Variants in RASSF3 observed in about 807,000 individuals in gnomAD.
The protein encoded by RASSF3 is ras association domain-containing protein 3.
Under a neutral mutation model 19.9 loss-of-function variants are expected in RASSF3, and 19 were observed. That is an observed-to-expected ratio of 0.96 (90% CI 0.67 to 1.40). RASSF3 has a LOEUF of 1.40. Ranked by LOEUF, RASSF3 falls within the 40% of genes most tolerant of loss-of-function variation. RASSF3 has a pLI of 0.00. For synonymous variants in RASSF3, 110 were observed against 104.2 expected, an observed-to-expected ratio of 1.06 and a Z score of -0.34; for missense variants, 306 against 289.8, an observed-to-expected ratio of 1.06 and a Z score of -0.41.
chr12:64,660,593 C>CT, intron 1 of RASSF3, among the ~76,000 whole-genome samples: 1 of 152,142 alleles, frequency 6.6e-6, no homozygotes, highest in Non-Finnish European at 1.5e-5. Flanking sequence ...CAAAATCTTT[C>CT]TTTAAAAAAA....
intron 1 of RASSF3, among the ~76,000 whole-genome samples, chr12:64,611,068 C>G (rs1180821972): frequency 2.0e-5 from 3 of 152,202 alleles, no homozygotes; most frequent in Non-Finnish European, 4.4e-5. Flanking sequence ...CCGGGCCACT[C>G]CCCCAGGTTT....
At chr12:64,682,554 A>G (rs547118836) in intron 1 of RASSF3, among the ~76,000 whole-genome samples, 33 of 151,032 alleles carry the variant, frequency 2.2e-4, no homozygotes, top group African/African-American at 7.6e-4. Flanking sequence ...GTGACAGAGC[A>G]AGACTCCGTC....
intron 2 of RASSF3, among the ~76,000 whole-genome samples, chr12:64,594,978 G>A (rs1261618208): frequency 6.7e-6 from 1 of 148,242 alleles, no homozygotes; most frequent in African/African-American, 2.5e-5. Flanking sequence ...CAAAGACACA[G>A]ACACACACAC....
intron 1 of RASSF3, chr12:64,507,549 C>A (rs552620991): frequency 2.8e-6 from 1 of 350,882 alleles, no homozygotes; most frequent in Non-Finnish European, 5.1e-6. Flanking sequence ...AACATTGTTA[C>A]AATCCAATTG....
intron 1 of RASSF3, among the ~76,000 whole-genome samples, chr12:64,518,780 G>A (rs981436321): frequency 3.9e-5 from 6 of 152,204 alleles, no homozygotes; most frequent in Admixed American, 6.5e-5. Flanking sequence ...AGACTTATTC[G>A]AATGTAATTT....
intron 1 of RASSF3, among the ~76,000 whole-genome samples, chr12:64,512,053 G>A (rs1429837457): frequency 6.6e-6 from 1 of 152,150 alleles, no homozygotes; most frequent in East Asian, 1.9e-4. Flanking sequence ...GAGAAAGGAG[G>A]GGGGCTGCTT....
intron 1 of RASSF3, among the ~76,000 whole-genome samples, chr12:64,652,808 G>C (rs530644562): frequency 6.6e-6 from 1 of 152,164 alleles, no homozygotes; most frequent in Admixed American, 6.5e-5. Flanking sequence ...ATGATTTGCA[G>C]TATAATTCTA....
downstream of RASSF3, among the ~76,000 whole-genome samples, chr12:64,543,894 T>G (rs946401913): frequency 1.3e-5 from 2 of 151,966 alleles, no homozygotes; most frequent in Non-Finnish European, 2.9e-5. Context: ...AGTGGGGACA[T>G]GGAGAACTTT....
rs543241596 is a variant in RASSF3 at position 64,664,353 on chromosome 12, C to T, written c.112-20434C>T. On this transcript the variant is annotated intron_variant, in intron 1 of 4. Transcript: ENST00000542104. ...CCTAATAATTTTTAAGAAAGCTTAC[C>T]ATAAATACTTCTAGGTTAGTGACAA... 7.9e-5 allele frequency among the ~76,000 whole-genome samples: 12 copies of T among 152,186 alleles called. No homozygotes were observed. In the South Asian group the frequency reaches 1.7e-3, roughly 21 times the overall value.
chr12:64,619,869 A>G (rs1032959471), intron 1 of RASSF3, among the ~76,000 whole-genome samples: 55 of 151,486 alleles, frequency 3.6e-4, no homozygotes, highest in African/African-American at 1.3e-3. Flanking sequence ...ACTCCCAGCT[A>G]CTCGGTAGGC....
chr12:64,587,217 G>A (rs926288257), intron 2 of RASSF3, among the ~76,000 whole-genome samples: 1 of 151,616 alleles, frequency 6.6e-6, no homozygotes, highest in African/African-American at 2.4e-5. Context: ...ACCATGCCCG[G>A]CTAATTTTTG....
At chr12:64,691,664 T>TGGGAAGAGAAGAGAGTTGGAGGGCA (rs1868281769) in intron 4 of RASSF3, 85 bp downstream of exon 4, 12 of 362,430 alleles carry the variant, frequency 3.3e-5, no homozygotes, top group Admixed American at 4.0e-5. Flanking sequence ...TGGCTATTGA[T>TGGGAAGAGAAGAGAGTTGGAGGGCA]GGGGGATGGG....
chr12:64,531,780 G>GT (rs960621256), upstream of RASSF3, among the ~76,000 whole-genome samples: 22 of 152,300 alleles, frequency 1.4e-4, no homozygotes, highest in Admixed American at 6.5e-4. Flanking sequence ...GACCTTAGAG[G>GT]TCTTCTAGGA....
chr12:64,608,074 A>C (rs1870224360), upstream of RASSF3, among the ~76,000 whole-genome samples: 1 of 151,830 alleles, frequency 6.6e-6, no homozygotes, highest in African/African-American at 2.4e-5. Flanking sequence ...TGGCCTAATC[A>C]TGCCTTTATA....
At chr12:64,693,412 T>C (rs1868312992) in intron 4 of RASSF3, among the ~76,000 whole-genome samples, 1 of 142,316 alleles carries the variant, frequency 7.0e-6, no homozygotes, top group Non-Finnish European at 1.5e-5. Context: ...AAATCTGTTT[T>C]AATTTTTTTT....
At chr12:64,653,662 G>GGCCCA (rs1872044836) in intron 1 of RASSF3, among the ~76,000 whole-genome samples, 1 of 151,752 alleles carries the variant, frequency 6.6e-6, no homozygotes, top group African/African-American at 2.4e-5. Flanking sequence ...TCACCTCCTG[G>GGCCCA]GCCCAAGTGA....
chr12:64,579,338 G>A (rs1869648624), intron 2 of RASSF3, among the ~76,000 whole-genome samples: 1 of 145,472 alleles, frequency 6.9e-6, no homozygotes, highest in South Asian at 2.1e-4. Flanking sequence ...ATTAGCAATA[G>A]CCAAGTTCTT....
At chr12:64,585,007 T>A (rs1565843601) in intron 2 of RASSF3, among the ~76,000 whole-genome samples, 1 of 147,540 alleles carries the variant, frequency 6.8e-6, no homozygotes, top group Admixed American at 7.0e-5. Context: ...TGCCTCAGCC[T>A]CCTGAGTAGC....
chr12:64,679,635 G>A (rs980416205), intron 1 of RASSF3, among the ~76,000 whole-genome samples: 28 of 152,164 alleles, frequency 1.8e-4, no homozygotes, highest in African/African-American at 6.3e-4. Context: ...GAGAAAGTTC[G>A]CTACTGAAAA....
Sources: gnomAD v4.1 joint callset for allele counts (sites outside exome capture counted in the v4.1 genomes callset) on GRCh38, gnomAD v4.1.1 for gene constraint, MANE v1.5 for transcripts, NCBI Gene and HGNC (gene_info 2026-07-23, HGNC 2026-07-21) for gene names.